EIF4E3: variants seen among roughly 807,000 people sequenced by gnomAD.
EIF4E3 encodes eukaryotic translation initiation factor 4E type 3.
Under a neutral mutation model 31.7 loss-of-function variants are expected in EIF4E3, and 26 were observed. That is an observed-to-expected ratio of 0.82 (90% CI 0.60 to 1.14). EIF4E3 has a LOEUF of 1.14. EIF4E3 is among the 50% of genes most tolerant of loss of function. EIF4E3 has a pLI of 0.00. For synonymous variants in EIF4E3, 128 were observed against 107.7 expected (o/e 1.19, Z -1.17); for missense variants, 304 against 270.9 (o/e 1.12, Z -0.86).
rs2048911895 is a variant in EIF4E3, at chr3:71,680,576, T to C, written c.*4106A>G. 1 of 152,206 alleles carries C rather than the reference T, an allele frequency of 6.6e-6. No homozygotes were observed. Among genetic ancestry groups the C allele is most frequent in the Non-Finnish European group, 1.5e-5 (1 of 68,038 alleles). The allele number at this position is 152,206 out of a possible 1,614,324, so 9.4% of individuals were successfully genotyped here. On this transcript the variant is annotated 3_prime_UTR_variant, in exon 7 of 7. Coordinates refer to ENST00000425534, the MANE Select transcript of EIF4E3 (RefSeq NM_001134651.2). Reference sequence around the variant, plus strand: ...AAGTATTCTTAGATTTGGATGTATATGTAAAAATAATAGAAAATAAAATCA... The same window carrying C: ...AAGTATTCTTAGATTTGGATGTATACGTAAAAATAATAGAAAATAAAATCA...
chr3:71,701,877 G>C (rs1277428486), intron 2 of EIF4E3, among the ~76,000 whole-genome samples: 1 of 152,174 alleles, frequency 6.6e-6, no homozygotes, highest in South Asian at 2.1e-4. Flanking sequence ...GTGTAGTGAG[G>C]AGTTAAAAGC....
intron 6 of EIF4E3, 121 bp downstream of exon 6, chr3:71,689,889 T>A (rs2049039772): frequency 2.0e-6 from 2 of 998,326 alleles, no homozygotes; most frequent in East Asian, 5.9e-5. Flanking sequence ...TTTTGTTGAA[T>A]TATTTTCTGA....
upstream of EIF4E3, chr3:71,728,525 A>C (rs1022574834): frequency 2.0e-5 from 3 of 152,622 alleles, no homozygotes; most frequent in Non-Finnish European, 4.4e-5. Flanking sequence ...GAACGTGGGT[A>C]GCTTGAGGTC....
chr3:71,754,485 G>A (rs1255170244), upstream of EIF4E3: 2 of 1,297,704 alleles, frequency 1.5e-6, no homozygotes, highest in Non-Finnish European at 2.0e-6. The surrounding 1 kb of genome is among the most constrained non-coding windows in gnomAD (Gnocchi z 5.8). Context: ...GCTGGTGTGC[G>A]CCGCCTGGGC....
At chr3:71,692,861 C>A (rs893201934) in intron 5 of EIF4E3, among the ~76,000 whole-genome samples, 3 of 152,164 alleles carry the variant, frequency 2.0e-5, no homozygotes, top group African/African-American at 7.2e-5. Flanking sequence ...TCCCAAAGTG[C>A]TGGGATTACA....
rs981020108 is a variant in EIF4E3, at chr3:71,719,436, G to A, written c.176+5756C>T. ...GCACAGCCAGGTGATTCTGATGGGC[G>A]GATGAGGGAATACACTTTGAGAAAC... On this transcript the variant is annotated intron_variant, in intron 1 of 6. Transcript: ENST00000425534. 1.3e-4 allele frequency among the ~76,000 whole-genome samples: 20 copies of A among 152,148 alleles called. No individual in the cohort carries two copies. The South Asian group carries it at 3.7e-3, about 28-fold the overall frequency.
chr3:71,725,236 C>A lies in EIF4E3; in HGVS notation c.132G>T (p.Pro44=). 1.8e-6 allele frequency: 2 copies of A among 1,127,522 alleles called. No individual in the cohort carries two copies. Among genetic ancestry groups the A allele is most frequent in the Non-Finnish European group, 1.1e-6 (1 of 915,940 alleles). 69.8% of individuals were successfully genotyped at this position (1,127,522 alleles called of 1,614,324 possible). A position where few individuals can be genotyped will look rare whatever the true frequency, so the allele number is the denominator to read the frequency against. ...LQQLSALQPE[P]GGVPLHSSWT... is the part of the protein sequence containing the mutation. ...AGGACGAGTGCAGCGGGACCCCGCC[C>A]GGCTCAGGCTGCAGCGCCGACAGCT... Residue 44 remains proline (P), a synonymous_variant, in exon 1 of 7, where the codon CCG becomes CCT. Transcript: ENST00000425534. The surrounding 1 kb of genome is among the most constrained non-coding windows in gnomAD (Gnocchi z 6.1).
At chr3:71,661,407 C>T in the EIF4E3 span, among the ~76,000 whole-genome samples, 1 of 152,172 alleles carries the variant, frequency 6.6e-6, no homozygotes, top group Non-Finnish European at 1.5e-5. Flanking sequence ...ACTGCTTAGG[C>T]CAGTACCCTA....
At chr3:71,752,280 A>G (rs560534971) in intron 1 of EIF4E3, among the ~76,000 whole-genome samples, 12 of 152,202 alleles carry the variant, frequency 7.9e-5, no homozygotes, top group Admixed American at 3.9e-4. Context: ...ATTTCTGCAC[A>G]TAGTGAAGTT....
At chr3:71,749,706 G>A (rs1338606298) in intron 1 of EIF4E3, among the ~76,000 whole-genome samples, 1 of 151,876 alleles carries the variant, frequency 6.6e-6, no homozygotes, top group African/African-American at 2.4e-5. Flanking sequence ...GAGTGGGGGT[G>A]GGAAATACTT....
intron 1 of EIF4E3, among the ~76,000 whole-genome samples, chr3:71,739,051 C>A (rs1280535071): frequency 7.2e-6 from 1 of 138,304 alleles, no homozygotes; most frequent in African/African-American, 2.8e-5. Flanking sequence ...GATACATAGA[C>A]CTGAATGAAA....
chr3:71,708,316 G>A (rs1390184104), intron 2 of EIF4E3, among the ~76,000 whole-genome samples: 1 of 152,246 alleles, frequency 6.6e-6, no homozygotes. Flanking sequence ...GTTGCTTTGG[G>A]GGATGGAGGC....
chr3:71,660,042 T>C, the EIF4E3 span, among the ~76,000 whole-genome samples: 3 of 152,230 alleles, frequency 2.0e-5, no homozygotes, highest in Non-Finnish European at 2.9e-5. Flanking sequence ...GATCAGAGTC[T>C]GTATTTTAAT....
chr3:71,753,027 G>C (rs865883492), intron 1 of EIF4E3, among the ~76,000 whole-genome samples: 1 of 152,194 alleles, frequency 6.6e-6, no homozygotes. Context: ...TCCTTCACCG[G>C]GATCACGGAT....
chr3:71,727,633 A>G (rs1211058221), upstream of EIF4E3, among the ~76,000 whole-genome samples: 2 of 152,254 alleles, frequency 1.3e-5, no homozygotes, highest in Admixed American at 6.5e-5. Context: ...AATTTGATAC[A>G]TATTGCCAAA....
downstream of EIF4E3, among the ~76,000 whole-genome samples, chr3:71,671,808 T>G (rs1023456335): frequency 4.5e-5 from 5 of 110,444 alleles, no homozygotes; most frequent in African/African-American, 1.8e-4. Context: ...AACCCTCCAT[T>G]TTTTTTTTTG....
the EIF4E3 span, among the ~76,000 whole-genome samples, chr3:71,665,060 C>A: frequency 6.6e-6 from 1 of 152,196 alleles, no homozygotes; most frequent in Non-Finnish European, 1.5e-5. Context: ...TAGCTGGTTT[C>A]TCTCACCTGC....
chr3:71,706,142 T>C (rs556217494), intron 2 of EIF4E3, among the ~76,000 whole-genome samples: 1 of 152,292 alleles, frequency 6.6e-6, no homozygotes, highest in East Asian at 1.9e-4. Context: ...GATGAAAGTG[T>C]CCTCAGCAGG....
upstream of EIF4E3, among the ~76,000 whole-genome samples, chr3:71,727,132 C>T (rs1253204927): frequency 6.6e-6 from 1 of 152,146 alleles, no homozygotes; most frequent in Non-Finnish European, 1.5e-5. Flanking sequence ...GACTCTCCTA[C>T]CTCTCTACAC....
Sources: allele counts gnomAD v4.1 joint callset (sites outside exome capture counted in the v4.1 genomes callset), GRCh38; gene constraint gnomAD v4.1.1; non-coding constraint Gnocchi (gnomAD v3.1); transcripts MANE v1.5; gene names NCBI Gene and HGNC (gene_info 2026-07-23, HGNC 2026-07-21).